Variants in CSMD2 observed in about 807,000 individuals in gnomAD.
CSMD2 encodes CUB and sushi domain-containing protein 2.
A neutral mutation model predicts 398.5 loss-of-function variants in CSMD2; 130 were observed. The ratio of observed to expected loss-of-function variants is 0.33; its 90% CI spans 0.28 to 0.38. CSMD2 has a LOEUF of 0.38. CSMD2 is among the 10% of genes least tolerant of loss of function. The pLI, the probability that CSMD2 is intolerant of heterozygous loss-of-function variation, is 1.00. For missense variants in CSMD2, 3,829 were observed against 4,764.9 expected, an observed-to-expected ratio of 0.80 and a Z score of 5.78; for synonymous variants, 1,828 against 1,908.5, an observed-to-expected ratio of 0.96 and a Z score of 1.10.
intron 6 of CSMD2, among the ~76,000 whole-genome samples, chr1:33,826,894 TTGATACCCAG>T (rs1658887701): frequency 6.6e-6 from 1 of 152,196 alleles, no homozygotes; most frequent in Non-Finnish European, 1.5e-5. Flanking sequence ...CCTGCTCAGA[TTGATACCCAG>T]GAGTGGTGAC....
rs142475680 is a variant in CSMD2, at chr1:33,887,887, T to C, written c.920+30207A>G. ...CTAAAATAATCAACTTTAAAACTAT[T>C]AGGGCTGATGAGAGAGTTCAGTAAG... On this transcript the variant is annotated intron_variant, in intron 5 of 70. Transcript: ENST00000373381. Among the ~76,000 whole-genome samples the C allele has an allele frequency of 5.9e-5, 9 of 152,238 alleles. No homozygotes were observed. The East Asian group carries it at 1.3e-3, about 23-fold the overall frequency.
chr1:33,614,432 T>C, intron 40 of CSMD2, 72 bp downstream of exon 40: 1 of 838,270 alleles, frequency 1.2e-6, no homozygotes. Context: ...TAAGAGATTT[T>C]GGCGGACAGT....
chr1:33,804,737 G>C, intron 10 of CSMD2: 1 of 717,398 alleles, frequency 1.4e-6, no homozygotes, highest in South Asian at 1.5e-5. Context: ...GGATACACCT[G>C]TATCTCACCT....
intron 1 of CSMD2, among the ~76,000 whole-genome samples, chr1:34,092,455 G>C (rs530123543): frequency 2.6e-5 from 4 of 152,282 alleles, no homozygotes; most frequent in East Asian, 1.9e-4. Flanking sequence ...CAGCGTGAGC[G>C]AGGCAGAAGA....
At chr1:34,105,169 T>A (rs1660409149) in intron 1 of CSMD2, among the ~76,000 whole-genome samples, 1 of 152,204 alleles carries the variant, frequency 6.6e-6, no homozygotes. Flanking sequence ...TCGGAGAGAT[T>A]TCTGTGAATG....
intron 3 of CSMD2, among the ~76,000 whole-genome samples, chr1:33,989,029 T>TCC (rs1646459407): frequency 4.0e-5 from 1 of 25,240 alleles, no homozygotes; most frequent in East Asian, 3.4e-3. Context: ...TATATATATA[T>TCC]ATATATATAT....
chr1:33,863,462 C>T (rs537148520), intron 5 of CSMD2: 30 of 152,206 alleles, frequency 2.0e-4, no homozygotes, highest in Admixed American at 7.2e-4. Context: ...GTTCTCCCCC[C>T]TCTTTCGCCT....
At chr1:33,588,066 G>A (rs529450738) in intron 44 of CSMD2, among the ~76,000 whole-genome samples, 5 of 152,208 alleles carry the variant, frequency 3.3e-5, no homozygotes, top group African/African-American at 1.2e-4. Context: ...CCCTCTCAGA[G>A]ATAACGACTG....
chr1:33,975,486 TACAC>T (rs57095754), intron 3 of CSMD2, among the ~76,000 whole-genome samples: 9,088 of 146,412 alleles, frequency 0.062, 344 homozygotes, highest in South Asian at 0.13. Context: ...CTCCCAAGTG[TACAC>T]ACACACACAC....
In CSMD2 at chr1:33,523,429, A is replaced by G. The variant is rs1277109267; in HGVS notation, c.10397-10T>C. On this transcript the variant is annotated splice_polypyrimidine_tract_variant and intron_variant, in intron 66 of 70. Transcript: ENST00000373381. Reference sequence around the variant, plus strand: ...TCTTTCTTGTAAGTTCCTGGGAAATAAAGTTCAGGTGTTACACATGAAAGA... The same window carrying G: ...TCTTTCTTGTAAGTTCCTGGGAAATGAAGTTCAGGTGTTACACATGAAAGA... 1.6e-6 allele frequency: 2 copies of G among 1,264,864 alleles called. No individual in the cohort carries two copies. The allele number at this position is 1,264,864 out of a possible 1,614,324, so 78.4% of individuals were successfully genotyped here. A position where few individuals can be genotyped will look rare whatever the true frequency, so the allele number is the denominator to read the frequency against.
chr1:33,826,173 T>C (rs1301333559), intron 6 of CSMD2, among the ~76,000 whole-genome samples: 1 of 152,230 alleles, frequency 6.6e-6, no homozygotes, highest in Non-Finnish European at 1.5e-5. Flanking sequence ...GCTTTTTCTC[T>C]ACCTCAGTTC....
intron 15 of CSMD2, among the ~76,000 whole-genome samples, chr1:33,729,153 G>C (rs1292302473): frequency 6.6e-6 from 1 of 152,136 alleles, no homozygotes; most frequent in East Asian, 1.9e-4. Context: ...TTACTGCCCG[G>C]GGAGCTACAG....
chr1:34,095,707 C>A (rs1448537290), intron 1 of CSMD2, among the ~76,000 whole-genome samples: 3 of 151,034 alleles, frequency 2.0e-5, no homozygotes, highest in African/African-American at 4.9e-5. Context: ...AAGACTAAAC[C>A]AGGAAGAAGT....
intron 12 of CSMD2, among the ~76,000 whole-genome samples, chr1:33,774,818 G>C (rs950526339): frequency 6.6e-6 from 1 of 152,078 alleles, no homozygotes; most frequent in Non-Finnish European, 1.5e-5. Flanking sequence ...ACAGCCCTGC[G>C]CACATGCCCA....
chr1:34,165,247 C>T (rs1463533156), upstream of CSMD2: 2 of 1,180,050 alleles, frequency 1.7e-6, no homozygotes, highest in African/African-American at 1.6e-5. Context: ...AGTGTCCGCC[C>T]GGCCGGGGAG....
At chr1:33,872,468 C>T (rs1640545546) in intron 5 of CSMD2, among the ~76,000 whole-genome samples, 1 of 152,034 alleles carries the variant, frequency 6.6e-6, no homozygotes, top group African/African-American at 2.4e-5. Flanking sequence ...CATACAAAGG[C>T]CCTTTAAAGA....
At chr1:33,847,172 A>C (rs1436262383) in intron 5 of CSMD2, among the ~76,000 whole-genome samples, 176 bp from the exon 6 acceptor site, 1 of 152,046 alleles carries the variant, frequency 6.6e-6, no homozygotes, top group African/African-American at 2.4e-5. Flanking sequence ...GAGCAGCTTG[A>C]GATGGCTCCT....
intron 1 of CSMD2, among the ~76,000 whole-genome samples, chr1:34,113,283 G>C (rs1321260878): frequency 6.6e-6 from 1 of 152,226 alleles, no homozygotes; most frequent in African/African-American, 2.4e-5. Context: ...AAACGCATGA[G>C]TTGAGAGAGC....
chr1:33,658,614 C>A (rs1436751747), intron 26 of CSMD2, among the ~76,000 whole-genome samples: 1 of 150,950 alleles, frequency 6.6e-6, no homozygotes, highest in African/African-American at 2.5e-5. Context: ...ATAATTCCAG[C>A]ACTTTGGGAG....
Sources: gnomAD v4.1 joint callset for allele counts (sites outside exome capture counted in the v4.1 genomes callset) on GRCh38, gnomAD v4.1.1 for gene constraint, MANE v1.5 for transcripts, NCBI Gene and HGNC (gene_info 2026-07-23, HGNC 2026-07-21) for gene names.